The following SPTBN4 variants were observed in gnomAD, a reference collection of about 807,000 sequenced individuals.
The protein encoded by SPTBN4 is spectrin beta chain, non-erythrocytic 4.
Under a neutral mutation model 277.8 loss-of-function variants are expected in SPTBN4, and 96 were observed. The ratio of observed to expected loss-of-function variants is 0.35; its 90% CI spans 0.29 to 0.41. The LOEUF is 0.41. Ranked by LOEUF, SPTBN4 falls within the 10% of genes least tolerant of loss-of-function variation. SPTBN4 has a pLI of 1.00. For synonymous variants in SPTBN4, 1,481 were observed against 1,580.3 expected, an observed-to-expected ratio of 0.94 and a Z score of 1.49; for missense variants, 3,006 against 3,595.7, an observed-to-expected ratio of 0.84 and a Z score of 4.19.
At position 40,557,356 on chromosome 19, in the gene SPTBN4, C is replaced by T. The variant is rs909480545; in HGVS notation, c.5623C>T (p.Arg1875Trp). 7.5e-6 allele frequency: 12 copies of T among 1,604,716 alleles called. No individual in the cohort carries two copies. Among genetic ancestry groups the T allele is most frequent in the East Asian group, 4.5e-5 (2 of 44,676 alleles). ...GAGACCCAGTGCCAGTTCCATGCAG[C>T]GGACCCTGAGAGCCTTTGAGCATGA... ...EPRPSASSMQ[R>W]TLRAFEHDLQ... Residue 1875 changes from arginine (R) to tryptophan (W), a missense_variant, in exon 26 of 36, where the codon CGG becomes TGG. By Grantham distance (101) the Arg-to-Trp change is moderately radical. This residue lies in a region of SPTBN4 where 425 missense variants were observed against 594.7 expected (regional missense o/e 0.71). Transcript: ENST00000598249.
chr19:40,514,553 TCCCCAACATGGGGG>T lies in SPTBN4; in HGVS notation c.2766-754_2766-741del, dbSNP rs369217320. Among the ~76,000 whole-genome samples the T allele has an allele frequency of 9.9e-5, 15 of 152,282 alleles. 1 individual carries two copies. Among genetic ancestry groups the T allele is most frequent in the African/African-American group, 3.6e-4 (15 of 41,558 alleles). On this transcript the variant is annotated intron_variant, in intron 14 of 35. Coordinates refer to ENST00000598249, the MANE Select transcript of SPTBN4 (RefSeq NM_020971.3). ...TCTGGCCTGGCAGATGACAGTGCTG[TCCCCAACATGGGGG>T]CCCAGAGGAAGAACAAATTTGAGTC... is the stretch of plus-strand genomic sequence containing the variant.
chr19:40,507,553 A>G (rs972397750), intron 13 of SPTBN4, among the ~76,000 whole-genome samples: 16 of 151,914 alleles, frequency 1.1e-4, no homozygotes, highest in African/African-American at 3.6e-4. Flanking sequence ...AAAAAAAAGA[A>G]AAAGACTCAG....
At chr19:40,532,380 G>A (rs1283030341) in intron 18 of SPTBN4, among the ~76,000 whole-genome samples, 1 of 151,974 alleles carries the variant, frequency 6.6e-6, no homozygotes, top group Admixed American at 6.5e-5. Context: ...TCAGGACAGG[G>A]GACAGGGGAG....
chr19:40,505,165 G>T (rs1417278378), intron 12 of SPTBN4, among the ~76,000 whole-genome samples: 1 of 136,544 alleles, frequency 7.3e-6, no homozygotes, highest in Non-Finnish European at 1.6e-5. Context: ...TAGGCAGATT[G>T]CTTGAGCCCC....
chr19:40,510,493 TG>T (rs2080378717), intron 13 of SPTBN4, among the ~76,000 whole-genome samples: 1 of 152,012 alleles, frequency 6.6e-6, no homozygotes, highest in Non-Finnish European at 1.5e-5. Flanking sequence ...TTGGTAGAGA[TG>T]GGGTTTTGCC....
In SPTBN4 at chr19:40,560,787, AT is replaced by A; in HGVS notation, c.5915+386del. ...TGGCTTCATTAGTGGGCATGGGCTT[AT>A]TGCTCACATAGTGGTTGGATGTGAG... On this transcript the variant is annotated intron_variant, in intron 27 of 35. Coordinates refer to ENST00000598249, the MANE Select transcript of SPTBN4 (RefSeq NM_020971.3). The surrounding 1 kb of genome is among the most constrained non-coding windows in gnomAD (Gnocchi z 5.2). 8.4e-7 allele frequency: 1 copy of A among 1,186,880 alleles called. No homozygotes were observed. The highest frequency in any genetic ancestry group is 2.1e-5 in the South Asian group (1 of 46,708). 73.5% of individuals were successfully genotyped at this position (1,186,880 alleles called of 1,614,324 possible).
chr19:40,494,757 C>T, intron 5 of SPTBN4, 140 bp from the exon 6 acceptor site: 1 of 710,482 alleles, frequency 1.4e-6, no homozygotes, highest in Non-Finnish European at 2.4e-6. Flanking sequence ...CCAACACCCA[C>T]CCATCCATCC....
At chr19:40,520,247 T>G in intron 16 of SPTBN4, 96 bp downstream of exon 16, 7 of 1,268,248 alleles carry the variant, frequency 5.5e-6, no homozygotes, top group East Asian at 3.1e-5. Context: ...GGAGGGTGTT[T>G]CCTGGGACCA....
chr19:40,492,831 A>G, intron 4 of SPTBN4, 132 bp from the exon 5 acceptor site: 1 of 676,568 alleles, frequency 1.5e-6, no homozygotes, highest in Non-Finnish European at 2.6e-6. Flanking sequence ...CTGGACCCCC[A>G]CCCCCAGCCA....
In SPTBN4 at chr19:40,568,163, C is replaced by G; in HGVS notation, c.6837C>G (p.His2279Gln). 6.3e-7 allele frequency: 1 copy of G among 1,583,784 alleles called. No individual in the cohort carries two copies. Among genetic ancestry groups the G allele is most frequent in the Middle Eastern group, 1.7e-4 (1 of 5,974 alleles). ...RQESAEHEAA[H>Q]SLTLGRYEQM... The stretch of plus-strand genomic sequence containing the variant: ...AGTCAGCGGAGCACGAGGCGGCACA[C>G]AGCCTTACCCTGGGCCGCTATGAGC... The change falls in exon 31 of 36, where the codon CAC becomes CAG. Residue 2279 changes from histidine (H) to glutamine (Q), a missense_variant. His to Gln is a conservative substitution (Grantham distance 24). Transcript: ENST00000598249.
In SPTBN4 at chr19:40,474,386, C is replaced by T. The variant is rs183364240; in HGVS notation, c.169+1596C>T. On this transcript the variant is annotated intron_variant, in intron 2 of 35. Transcript: ENST00000598249. Reference sequence around the variant, plus strand: ...ACCAAAACCTTCCTGCTTTTACCACCGAAACTCTCAGCCTTGGGCCAACCA... The same window carrying T: ...ACCAAAACCTTCCTGCTTTTACCACTGAAACTCTCAGCCTTGGGCCAACCA... 3.8e-4 allele frequency among the ~76,000 whole-genome samples: 57 copies of T among 151,406 alleles called. 1 individual carries two copies. The highest frequency in any genetic ancestry group is 3.2e-3 in the Admixed American group (48 of 15,168).
At chr19:40,564,665 C>T (rs980693477) in intron 27 of SPTBN4, among the ~76,000 whole-genome samples, 2 of 151,660 alleles carry the variant, frequency 1.3e-5, no homozygotes, top group African/African-American at 4.8e-5. Flanking sequence ...TAGCAAGACC[C>T]TGTCTCTACA....
At chr19:40,492,081 G>A (rs2080144694) in intron 4 of SPTBN4, among the ~76,000 whole-genome samples, 1 of 151,982 alleles carries the variant, frequency 6.6e-6, no homozygotes, top group Non-Finnish European at 1.5e-5. Flanking sequence ...GGTTGGAGGT[G>A]TTCACCAACA....
At position 40,502,726 on chromosome 19, in the gene SPTBN4, A is replaced by C; in HGVS notation, c.1204-49A>C. 6.3e-7 allele frequency: 1 copy of C among 1,598,288 alleles called. No individual in the cohort carries two copies. Among genetic ancestry groups the C allele is most frequent in the Non-Finnish European group, 8.5e-7 (1 of 1,172,614 alleles). The stretch of plus-strand genomic sequence containing the variant: ...ACCTCAGACTAAGTCAAGACCATTA[A>C]ACTGTGGGGAGCTGTCAGAGTCTGA... On this transcript the variant is annotated intron_variant, in intron 10 of 35. Transcript: ENST00000598249. The surrounding 1 kb of genome is among the most constrained non-coding windows in gnomAD (Gnocchi z 4.9).
At position 40,502,993 on chromosome 19, in the gene SPTBN4, G is replaced by C; in HGVS notation, c.1362+60G>C. The C allele has an allele frequency of 6.4e-7, 1 of 1,568,016 alleles. No homozygotes were observed. The highest frequency in any genetic ancestry group is 1.2e-5 in the South Asian group (1 of 85,704). On this transcript the variant is annotated intron_variant, in intron 11 of 35. Transcript: ENST00000598249. The surrounding 1 kb of genome is among the most constrained non-coding windows in gnomAD (Gnocchi z 4.9). ...GACGGAGGGCGGGGCTGATGGTCCTGGGACCAGAGAGGGAGACTTGATCTT... is the reference window on the plus strand; with the variant it reads ...GACGGAGGGCGGGGCTGATGGTCCTCGGACCAGAGAGGGAGACTTGATCTT...
At position 40,513,247 on chromosome 19, in the gene SPTBN4, G is replaced by A; in HGVS notation, c.2458G>A (p.Gly820Arg). ...RLARQHRALT[G>R]EVEAHRGPVS... ...GGCGCGCCAGCACCGCGCGCTCACCGGGGAGGTGGAGGCACATCGCGGGCC... is the reference window on the plus strand; with the variant it reads ...GGCGCGCCAGCACCGCGCGCTCACCAGGGAGGTGGAGGCACATCGCGGGCC... The change falls in exon 14 of 36, where the codon GGG (glycine) becomes AGG (arginine). Residue 820 changes from glycine to arginine, a missense_variant. Gly to Arg is a moderately radical substitution (Grantham distance 125, BLOSUM62 -2). Transcript: ENST00000598249. 1 of 1,521,316 alleles carries A rather than the reference G, an allele frequency of 6.6e-7. No individual in the cohort carries two copies. Among genetic ancestry groups the A allele is most frequent in the Admixed American group, 2.1e-5 (1 of 48,760 alleles). The allele number at this position is 1,521,316 out of a possible 1,614,324, so 94.2% of individuals were successfully genotyped here.
chr19:40,489,228 AAAAG>A (rs1555810978), intron 3 of SPTBN4, among the ~76,000 whole-genome samples: 10 of 141,682 alleles, frequency 7.1e-5, no homozygotes, highest in East Asian at 6.1e-4. Context: ...AAAAAAAAAA[AAAAG>A]AAAGAAAAAA....
In SPTBN4 at chr19:40,532,632, G is replaced by C. The variant is rs773765627; in HGVS notation, c.3956G>C (p.Gly1319Ala). 1 of 1,612,946 alleles carries C rather than the reference G, an allele frequency of 6.2e-7. No homozygotes were observed. The change falls in exon 19 of 36, where the codon GGC (glycine) becomes GCC (alanine). Residue 1319 changes from glycine (G) to alanine (A), a missense_variant. Around this residue, in one of 5 missense-constraint regions of SPTBN4, gnomAD observed 1,759 missense variants for 2,061.5 expected, o/e 0.85. Transcript: ENST00000598249. ...HFLRDCHELD[G>A]WIHEKMLMAR... ...CTGCCCTGTTCTGCACAGCTGGATG[G>C]CTGGATCCATGAGAAGATGCTGATG...
chr19:40,483,785 A>T (rs143076925), intron 2 of SPTBN4, among the ~76,000 whole-genome samples: 2 of 152,300 alleles, frequency 1.3e-5, no homozygotes, highest in East Asian at 3.9e-4. Context: ...ATTTTAGTGC[A>T]TCCCTAGAGT....
Sources: allele counts gnomAD v4.1 joint callset (sites outside exome capture counted in the v4.1 genomes callset), GRCh38; gene constraint gnomAD v4.1.1; regional missense constraint gnomAD v4.1.1; non-coding constraint Gnocchi (gnomAD v3.1); transcripts MANE v1.5; gene names NCBI Gene and HGNC (gene_info 2026-07-23, HGNC 2026-07-21).